SLC2A13: variants seen among roughly 807,000 people sequenced by gnomAD.
The protein encoded by SLC2A13 is proton myo-inositol cotransporter.
SLC2A13 carries 32 observed loss-of-function variants against 64.4 expected under a neutral mutation model. The observed-to-expected ratio is 0.50, with a 90% CI of 0.37 to 0.67. The LOEUF is 0.67. Ranked by LOEUF, SLC2A13 falls within the 30% of genes least tolerant of loss-of-function variation. The probability of loss-of-function intolerance (pLI) is 0.00; values close to 1 mark genes in which losing one functional copy is unlikely to be tolerated. For synonymous variants in SLC2A13, 338 were observed against 327.1 expected, an observed-to-expected ratio of 1.03 and a Z score of -0.36; for missense variants, 743 against 829.2, an observed-to-expected ratio of 0.90 and a Z score of 1.28.
chr12:39,812,063 G>A (rs1942178703), intron 7 of SLC2A13, among the ~76,000 whole-genome samples: 1 of 152,130 alleles, frequency 6.6e-6, no homozygotes, highest in African/African-American at 2.4e-5. Flanking sequence ...ACCACAGACT[G>A]GATGGCTCTT....
chr12:39,787,910 A>C (rs569655852), intron 7 of SLC2A13, among the ~76,000 whole-genome samples: 17 of 152,306 alleles, frequency 1.1e-4, no homozygotes, highest in African/African-American at 3.4e-4. Context: ...TGATGAAAAG[A>C]GCAGTATTGT....
At chr12:39,790,570 TA>T (rs1941363605) in intron 7 of SLC2A13, among the ~76,000 whole-genome samples, 1 of 147,642 alleles carries the variant, frequency 6.8e-6, no homozygotes, top group Non-Finnish European at 1.5e-5. Flanking sequence ...TATGGCTGCA[TA>T]GTATTCCATG....
chr12:39,827,863 T>C (rs1317512867), intron 7 of SLC2A13, among the ~76,000 whole-genome samples: 2 of 152,144 alleles, frequency 1.3e-5, no homozygotes, highest in Non-Finnish European at 2.9e-5. Flanking sequence ...ATTAATGGTG[T>C]TGCCATTCCA....
At chr12:40,037,099 C>T (rs1332464110) in intron 2 of SLC2A13, among the ~76,000 whole-genome samples, 1 of 152,054 alleles carries the variant, frequency 6.6e-6, no homozygotes, top group African/African-American at 2.4e-5. Flanking sequence ...TGATTTATTC[C>T]CCTTTTACAT....
chr12:39,813,775 G>T (rs2135811844), intron 7 of SLC2A13, among the ~76,000 whole-genome samples: 1 of 152,238 alleles, frequency 6.6e-6, no homozygotes, highest in East Asian at 1.9e-4. Context: ...CTCAATGTGA[G>T]TTCCATTTGA....
intron 3 of SLC2A13, among the ~76,000 whole-genome samples, chr12:40,012,466 T>TTA: frequency 6.6e-6 from 1 of 152,168 alleles, no homozygotes; most frequent in Admixed American, 6.5e-5. Context: ...CTGGAAGTGT[T>TTA]TCCAGAAAGA....
At chr12:40,007,544 C>A (rs1482756251) in intron 3 of SLC2A13, among the ~76,000 whole-genome samples, 1 of 151,798 alleles carries the variant, frequency 6.6e-6, no homozygotes, top group African/African-American at 2.4e-5. Flanking sequence ...AAGCATAATC[C>A]CAGAACTAGA....
chr12:39,803,220 A>AAC (rs1402681773), intron 7 of SLC2A13, among the ~76,000 whole-genome samples: 4 of 152,066 alleles, frequency 2.6e-5, no homozygotes, highest in Non-Finnish European at 5.9e-5. Flanking sequence ...AAAAAAAAAA[A>AAC]AACTTTCTAG....
intron 7 of SLC2A13, among the ~76,000 whole-genome samples, chr12:39,820,478 G>T (rs1055898552): frequency 1.3e-5 from 2 of 152,058 alleles, no homozygotes; most frequent in South Asian, 4.1e-4. Flanking sequence ...AACCCAGATC[G>T]CATGTAGTGG....
At chr12:39,879,987 T>C (rs370710061) in intron 4 of SLC2A13, among the ~76,000 whole-genome samples, 3 of 152,172 alleles carry the variant, frequency 2.0e-5, no homozygotes, top group African/African-American at 7.2e-5. Context: ...CCTGTCTTAA[T>C]GATAGTGAGT....
intron 7 of SLC2A13, among the ~76,000 whole-genome samples, chr12:39,781,120 A>G (rs767120960): frequency 2.0e-5 from 3 of 152,200 alleles, no homozygotes; most frequent in East Asian, 1.9e-4. Context: ...CCTGATTTGT[A>G]TAGAAAGTTC....
At chr12:39,876,971 T>C (rs1250120323) in intron 4 of SLC2A13, among the ~76,000 whole-genome samples, 2 of 152,212 alleles carry the variant, frequency 1.3e-5, no homozygotes, top group Non-Finnish European at 2.9e-5. Flanking sequence ...TAAGTTATGT[T>C]CTTTAGCTCT....
At chr12:40,021,627 AT>A (rs942455935) in intron 3 of SLC2A13, among the ~76,000 whole-genome samples, 71 of 152,352 alleles carry the variant, frequency 4.7e-4, no homozygotes, top group African/African-American at 1.7e-3. Flanking sequence ...CTTTGCCAAT[AT>A]TTAGAAAATT....
chr12:39,892,640 C>G (rs1007277883), intron 4 of SLC2A13, among the ~76,000 whole-genome samples: 1 of 152,118 alleles, frequency 6.6e-6, no homozygotes, highest in South Asian at 2.1e-4. Flanking sequence ...ATCTGCCACA[C>G]AACTACAGAA....
At chr12:39,921,295 A>G (rs910115406) in intron 4 of SLC2A13, among the ~76,000 whole-genome samples, 11 of 152,016 alleles carry the variant, frequency 7.2e-5, no homozygotes, top group African/African-American at 2.7e-4. Context: ...TTCAGTTACC[A>G]ATACTAGGTT....
intron 4 of SLC2A13, among the ~76,000 whole-genome samples, chr12:39,933,010 G>C (rs1333542474): frequency 6.6e-6 from 1 of 152,066 alleles, no homozygotes; most frequent in Non-Finnish European, 1.5e-5. Context: ...GTGGATACTT[G>C]AGGTCAGGAG....
intron 4 of SLC2A13, among the ~76,000 whole-genome samples, chr12:39,877,424 A>G (rs1944215321): frequency 6.6e-6 from 1 of 152,214 alleles, no homozygotes; most frequent in Admixed American, 6.5e-5. Context: ...ATTACCTCCC[A>G]TTGAGTCCTT....
intron 7 of SLC2A13, among the ~76,000 whole-genome samples, chr12:39,822,189 G>A (rs528409347): frequency 1.3e-5 from 2 of 151,208 alleles, no homozygotes; most frequent in South Asian, 2.1e-4. Context: ...TTCTTCTTGC[G>A]ATAGTTTACT....
intron 7 of SLC2A13, among the ~76,000 whole-genome samples, chr12:39,793,636 C>G (rs767985853): frequency 5.9e-5 from 9 of 152,068 alleles, no homozygotes; most frequent in Non-Finnish European, 1.3e-4. Flanking sequence ...CTGGCCCTTA[C>G]TAGGATATAT....
Sources: allele counts gnomAD v4.1 joint callset (sites outside exome capture counted in the v4.1 genomes callset), GRCh38; gene constraint gnomAD v4.1.1; transcripts MANE v1.5; gene names NCBI Gene and HGNC (gene_info 2026-07-23, HGNC 2026-07-21).